TMEM132D: variants seen among roughly 807,000 people sequenced by gnomAD.
TMEM132D encodes transmembrane protein 132D.
In TMEM132D, 21 loss-of-function variants were observed where a neutral mutation model predicts 62.3. That is an observed-to-expected ratio of 0.34 (90% CI 0.24 to 0.49). The LOEUF (loss-of-function observed/expected upper bound fraction) is 0.49. Ranked by LOEUF, TMEM132D falls within the 20% of genes least tolerant of loss-of-function variation. The pLI is 0.99. For synonymous variants in TMEM132D, 621 were observed against 575.6 expected (o/e 1.08, Z -1.13); for missense variants, 1,346 against 1,402.8 (o/e 0.96, Z 0.65).
chr12:129,294,405 C>T (rs2135621938), intron 4 of TMEM132D, among the ~76,000 whole-genome samples: 1 of 152,294 alleles, frequency 6.6e-6, no homozygotes, highest in East Asian at 1.9e-4. Context: ...GGAAGGTAGC[C>T]TGGGGAGAAT....
chr12:129,886,467 C>T (rs1874752031), intron 1 of TMEM132D, among the ~76,000 whole-genome samples: 1 of 152,086 alleles, frequency 6.6e-6, no homozygotes, highest in African/African-American at 2.4e-5. Flanking sequence ...GGATGTAAAA[C>T]AAATTCCCTT....
intron 3 of TMEM132D, among the ~76,000 whole-genome samples, chr12:129,438,735 A>C (rs988695235): frequency 1.3e-5 from 2 of 152,208 alleles, no homozygotes; most frequent in Non-Finnish European, 2.9e-5. Context: ...ATTGCACTGC[A>C]TATTACGGCT....
intron 3 of TMEM132D, among the ~76,000 whole-genome samples, chr12:129,524,732 A>T (rs1218607675): frequency 6.6e-6 from 1 of 151,486 alleles, no homozygotes; most frequent in Non-Finnish European, 1.5e-5. Context: ...AAAGTGGAAG[A>T]ACCATTTTAC....
chr12:129,351,553 G>T (rs186708467), intron 3 of TMEM132D, among the ~76,000 whole-genome samples: 30 of 152,250 alleles, frequency 2.0e-4, no homozygotes, highest in African/African-American at 7.2e-4. Flanking sequence ...TTGTGTGTAC[G>T]TTCCAGACTA....
At chr12:129,530,547 T>G (rs1876186411) in intron 3 of TMEM132D, among the ~76,000 whole-genome samples, 1 of 152,220 alleles carries the variant, frequency 6.6e-6, no homozygotes, top group South Asian at 2.1e-4. Flanking sequence ...CCTAGAGTGA[T>G]CCACAATTCC....
At chr12:129,559,804 T>G (rs1396708283) in intron 2 of TMEM132D, among the ~76,000 whole-genome samples, 1 of 152,206 alleles carries the variant, frequency 6.6e-6, no homozygotes, top group East Asian at 1.9e-4. Context: ...TTTACAATAT[T>G]TATCGATGTA....
chr12:129,619,438 C>T (rs563272623), intron 2 of TMEM132D, among the ~76,000 whole-genome samples: 6 of 152,296 alleles, frequency 3.9e-5, no homozygotes, highest in Admixed American at 2.0e-4. Flanking sequence ...TGCCAATGAA[C>T]GACTTATGAC....
intron 2 of TMEM132D, among the ~76,000 whole-genome samples, chr12:129,683,229 A>C (rs1188241143): frequency 6.6e-6 from 1 of 152,154 alleles, no homozygotes; most frequent in Non-Finnish European, 1.5e-5. Context: ...CTGGGGCTGC[A>C]TGTTAGAAAG....
chr12:129,234,226 G>A (rs1879722385), intron 4 of TMEM132D, among the ~76,000 whole-genome samples: 1 of 152,192 alleles, frequency 6.6e-6, no homozygotes, highest in Admixed American at 6.5e-5. Context: ...GAAATTAAAA[G>A]GAGAGAACAG....
chr12:129,409,122 G>A (rs565461817), intron 3 of TMEM132D, among the ~76,000 whole-genome samples: 221 of 152,106 alleles, frequency 1.5e-3, no homozygotes, highest in African/African-American at 4.9e-3. Flanking sequence ...CAGTAGACAC[G>A]GGGTTTCACC....
chr12:129,788,941 G>A (rs1410371919), intron 1 of TMEM132D, among the ~76,000 whole-genome samples: 1 of 152,116 alleles, frequency 6.6e-6, no homozygotes, highest in Non-Finnish European at 1.5e-5. Context: ...TGAGTGATGG[G>A]GAACCACAGG....
chr12:129,084,843 G>A (rs538254234), intron 5 of TMEM132D, 141 bp from the exon 6 acceptor site: 1 of 686,888 alleles, frequency 1.5e-6, no homozygotes, highest in African/African-American at 1.8e-5. Context: ...GGAGGTCCTG[G>A]TATGGAGCAG....
intron 2 of TMEM132D, among the ~76,000 whole-genome samples, chr12:129,551,600 C>T (rs566901033): frequency 3.3e-5 from 5 of 152,330 alleles, no homozygotes; most frequent in African/African-American, 9.6e-5. Context: ...TTTAGTATAG[C>T]GCCAATCAGT....
Position 129,782,719 on chromosome 12 carries a change from T to G in TMEM132D, c.80-82021A>C, listed in dbSNP as rs985073198. ...AATCCAGGTAAGTCTGATAAATCCA[T>G]GTAAGTCACACAGGTGTATTCCTGA... is the stretch of plus-strand genomic sequence containing the variant. On this transcript the variant is annotated intron_variant, in intron 1 of 8. Transcript: ENST00000422113. Among the ~76,000 whole-genome samples, 6 of 143,986 alleles carry G rather than the reference T, an allele frequency of 4.2e-5. No homozygotes were observed. In the East Asian group the frequency reaches 1.1e-3, roughly 26 times the overall value. 94.5% of individuals were successfully genotyped at this position (143,986 alleles called of 152,430 possible).
At chr12:129,145,363 G>T (rs542215279) in intron 5 of TMEM132D, among the ~76,000 whole-genome samples, 1 of 152,200 alleles carries the variant, frequency 6.6e-6, no homozygotes, top group African/African-American at 2.4e-5. Context: ...TTGGCGGGTG[G>T]GGGGTTCAGG....
At chr12:129,463,104 T>C (rs1441100461) in intron 3 of TMEM132D, among the ~76,000 whole-genome samples, 1 of 152,208 alleles carries the variant, frequency 6.6e-6, no homozygotes, top group Non-Finnish European at 1.5e-5. Context: ...TCTATCAGAT[T>C]GTTCTGGAGA....
At chr12:129,785,596 C>T (rs1392142540) in intron 1 of TMEM132D, among the ~76,000 whole-genome samples, 2 of 152,190 alleles carry the variant, frequency 1.3e-5, no homozygotes, top group East Asian at 1.9e-4. Context: ...TTTAGATTTA[C>T]AGCTTTCTTC....
intron 3 of TMEM132D, among the ~76,000 whole-genome samples, chr12:129,430,114 G>T (rs1454774889): frequency 1.3e-5 from 2 of 152,072 alleles, no homozygotes; most frequent in Admixed American, 6.5e-5. Flanking sequence ...GGGATGGCTG[G>T]GTCAAACGGT....
chr12:129,661,603 C>T (rs907442722), intron 2 of TMEM132D, among the ~76,000 whole-genome samples: 1 of 152,198 alleles, frequency 6.6e-6, no homozygotes, highest in Non-Finnish European at 1.5e-5. Flanking sequence ...ATACTTATCT[C>T]AGATACTAGG....
Sources: allele counts gnomAD v4.1 joint callset (sites outside exome capture counted in the v4.1 genomes callset), GRCh38; gene constraint gnomAD v4.1.1; transcripts MANE v1.5; gene names NCBI Gene and HGNC (gene_info 2026-07-23, HGNC 2026-07-21).